The following TUT4 variants were observed in gnomAD, a reference collection of about 807,000 sequenced individuals.
The protein encoded by TUT4 is terminal uridylyltransferase 4.
A neutral mutation model predicts 192.2 loss-of-function variants in TUT4; 36 were observed. That is an observed-to-expected ratio of 0.19 (90% CI 0.14 to 0.25). TUT4 has a LOEUF of 0.25. TUT4 is among the 10% of genes least tolerant of loss of function. TUT4 has a pLI of 1.00. For missense variants in TUT4, 1,493 were observed against 1,957.2 expected (o/e 0.76, Z 4.47); for synonymous variants, 618 against 666.0 (o/e 0.93, Z 1.11).
At chr1:52,477,320 C>T (rs1557781811) in intron 12 of TUT4, among the ~76,000 whole-genome samples, 2 of 152,058 alleles carry the variant, frequency 1.3e-5, no homozygotes. Context: ...GCCTATAATC[C>T]GAGCACTTTG....
intron 16 of TUT4, among the ~76,000 whole-genome samples, chr1:52,464,097 AT>A: frequency 6.6e-6 from 1 of 152,138 alleles, no homozygotes; most frequent in East Asian, 1.9e-4. Context: ...CAGTTTCCTC[AT>A]CTGTAAAATG....
intron 20 of TUT4, among the ~76,000 whole-genome samples, chr1:52,454,658 T>G (rs1458707150): frequency 6.6e-6 from 1 of 152,144 alleles, no homozygotes; most frequent in Non-Finnish European, 1.5e-5. Context: ...TTGAGTATAG[T>G]GATATCTTTT....
At chr1:52,494,561 A>C (rs1299843797) in intron 6 of TUT4, among the ~76,000 whole-genome samples, 5 of 152,160 alleles carry the variant, frequency 3.3e-5, no homozygotes, top group Admixed American at 3.3e-4. Flanking sequence ...GCATGGTGGC[A>C]CACACCTGTA....
At chr1:52,463,270 C>T in intron 16 of TUT4, 1 of 988,148 alleles carries the variant, frequency 1.0e-6, no homozygotes, top group Non-Finnish European at 1.2e-6. Context: ...ATTTCCTATT[C>T]CCTCAATTCT....
At chr1:52,498,902 TTATATATATATATATA>T (rs60991652) in intron 4 of TUT4, among the ~76,000 whole-genome samples, 615 of 23,280 alleles carry the variant, frequency 0.026, 97 homozygotes, top group East Asian at 0.039. Flanking sequence ...AAAAAAAAAA[TTATATATATATATATA>T]TATATATATA....
intron 13 of TUT4, among the ~76,000 whole-genome samples, chr1:52,474,386 G>T (rs1253268712): frequency 6.6e-6 from 1 of 152,020 alleles, no homozygotes; most frequent in African/African-American, 2.4e-5. Flanking sequence ...CCTTTAGTAT[G>T]CTTATATTTC....
chr1:52,444,494 T>C (rs1440558114), intron 24 of TUT4, among the ~76,000 whole-genome samples: 5 of 151,944 alleles, frequency 3.3e-5, no homozygotes, highest in East Asian at 1.9e-4. Context: ...CACTATGCAA[T>C]GTAAATGCAC....
At chr1:52,430,873 C>T in intron 28 of TUT4, 140 bp downstream of exon 28, 1 of 913,078 alleles carries the variant, frequency 1.1e-6, no homozygotes, top group South Asian at 2.5e-5. Context: ...AGTCCAGAGC[C>T]CATATTCTTA....
At chr1:52,509,842 CCTT>C (rs1156453453) in intron 3 of TUT4, 130 bp from the exon 4 acceptor site, 5 of 692,192 alleles carry the variant, frequency 7.2e-6, no homozygotes, top group Non-Finnish European at 1.3e-5. Flanking sequence ...TTTATCCTTT[CCTT>C]CTTCTAAAGT....
intron 1 of TUT4, among the ~76,000 whole-genome samples, chr1:52,531,329 G>A (rs969064707): frequency 2.0e-5 from 3 of 151,550 alleles, no homozygotes; most frequent in African/African-American, 2.4e-5. Context: ...GGGCTAAGAC[G>A]ATCCTCCCAG....
At chr1:52,444,445 A>T (rs952261942) in intron 24 of TUT4, among the ~76,000 whole-genome samples, 1 of 152,094 alleles carries the variant, frequency 6.6e-6, no homozygotes, top group Non-Finnish European at 1.5e-5. Context: ...CCCAAGAAAT[A>T]AGACACCTGA....
intron 4 of TUT4, among the ~76,000 whole-genome samples, chr1:52,505,088 T>C (rs1237084023): frequency 6.6e-6 from 1 of 152,240 alleles, no homozygotes; most frequent in African/African-American, 2.4e-5. Flanking sequence ...CTTTCAAGTG[T>C]ATACCCAGAA....
intron 20 of TUT4, among the ~76,000 whole-genome samples, chr1:52,456,528 T>A (rs1661035368): frequency 7.1e-6 from 1 of 140,436 alleles, no homozygotes; most frequent in African/African-American, 2.6e-5. Flanking sequence ...AAATGAGCTA[T>A]CAAGCCATGA....
chr1:52,446,723 C>T, intron 20 of TUT4, 56 bp from the exon 21 acceptor site: 2 of 1,294,778 alleles, frequency 1.5e-6, no homozygotes, highest in South Asian at 1.3e-5. Flanking sequence ...CCCAAAGGTC[C>T]AAATACTCTA....
chr1:52,507,758 C>T (rs1281799445), intron 4 of TUT4, among the ~76,000 whole-genome samples: 2 of 152,050 alleles, frequency 1.3e-5, no homozygotes, highest in Non-Finnish European at 2.9e-5. Flanking sequence ...ATACTTTGGT[C>T]CCAAGCATTT....
chr1:52,494,698 AAAC>A (rs1451873940), intron 6 of TUT4, among the ~76,000 whole-genome samples: 1 of 152,222 alleles, frequency 6.6e-6, no homozygotes, highest in African/African-American at 2.4e-5. Flanking sequence ...TCTCAAAAAC[AAAC>A]AACAAAAATA....
intron 1 of TUT4, among the ~76,000 whole-genome samples, chr1:52,549,234 G>A (rs145960379): frequency 2.6e-5 from 4 of 152,258 alleles, no homozygotes; most frequent in Non-Finnish European, 5.9e-5. Context: ...CTCACTTGGT[G>A]ATCTCACAAG....
intron 1 of TUT4, chr1:52,529,723 T>A (rs923977535): frequency 6.6e-6 from 1 of 152,106 alleles, no homozygotes; most frequent in Non-Finnish European, 1.5e-5. Flanking sequence ...TTTGTATACA[T>A]AAACAAAAGC....
intron 13 of TUT4, among the ~76,000 whole-genome samples, chr1:52,473,795 C>A (rs550992080): frequency 6.6e-6 from 1 of 152,042 alleles, no homozygotes; most frequent in African/African-American, 2.4e-5. Context: ...ATCTGGAATG[C>A]ACTTGAAGTA....
Sources: allele counts gnomAD v4.1 joint callset (sites outside exome capture counted in the v4.1 genomes callset), GRCh38; gene constraint gnomAD v4.1.1; transcripts MANE v1.5; gene names NCBI Gene and HGNC (gene_info 2026-07-23, HGNC 2026-07-21).